SPNS3: variants seen among roughly 807,000 people sequenced by gnomAD.
The protein encoded by SPNS3 is protein spinster homolog 3.
In SPNS3, 51 loss-of-function variants were observed where a neutral mutation model predicts 54.4. The ratio of observed to expected loss-of-function variants is 0.94; its 90% CI spans 0.75 to 1.18. The LOEUF is 1.18. Ranked by LOEUF, SPNS3 falls within the 50% of genes most tolerant of loss-of-function variation. The pLI, the probability that SPNS3 is intolerant of heterozygous loss-of-function variation, is 0.00. For synonymous variants in SPNS3, 309 were observed against 294.7 expected (o/e 1.05, Z -0.50); for missense variants, 669 against 677.4 (o/e 0.99, Z 0.14).
Position 4,458,606 on chromosome 17 carries a change from T to TTTC in SPNS3, c.1113+5404_1113+5406dup, listed in dbSNP as rs879861155. Among the ~76,000 whole-genome samples the TTTC allele has an allele frequency of 8.0e-3, 866 of 108,274 alleles. 29 individuals carry two copies. The highest frequency in any genetic ancestry group is 0.03 in the Middle Eastern group (6 of 198). The allele number at this position is 108,274 out of a possible 152,430, so 71.0% of individuals were successfully genotyped here. ...CTTCCCTCCTTTCTTTCTTTCTTTC[T>TTTC]TTCTTTCTTTCTTTCTTTCTTTCTT... On this transcript the variant is annotated intron_variant, in intron 8 of 11. Transcript: ENST00000355530.
At chr17:4,439,474 G>A (rs551126519) in intron 1 of SPNS3, among the ~76,000 whole-genome samples, 184 bp from the exon 2 acceptor site, 1 of 152,300 alleles carries the variant, frequency 6.6e-6, no homozygotes, top group East Asian at 1.9e-4. Flanking sequence ...GTTTCTCTGT[G>A]TGCCTGCTCT....
intron 1 of SPNS3, among the ~76,000 whole-genome samples, chr17:4,435,802 C>G (rs62066152): frequency 0.79 from 119,244 of 151,358 alleles, 47,728 homozygotes; most frequent in Middle Eastern, 0.82. Context: ...CGTGGTGGCT[C>G]ACGCCTGTAA....
intron 8 of SPNS3, among the ~76,000 whole-genome samples, chr17:4,473,575 A>G (rs544874411): frequency 1.4e-4 from 21 of 151,864 alleles, no homozygotes; most frequent in South Asian, 1.0e-3. Context: ...TTTAGTAGAG[A>G]AGGGGTTTTA....
At chr17:4,487,046 C>A (rs1218130069) in intron 11 of SPNS3, among the ~76,000 whole-genome samples, 1 of 151,878 alleles carries the variant, frequency 6.6e-6, no homozygotes, top group African/African-American at 2.4e-5. Context: ...GTGGCACACA[C>A]CTGTAGTCCC....
intron 4 of SPNS3, chr17:4,446,575 C>A: frequency 1.9e-6 from 1 of 529,010 alleles, no homozygotes; most frequent in Non-Finnish European, 3.4e-6. Flanking sequence ...AATCAGGACC[C>A]TGGCCTCTGA....
At chr17:4,477,582 G>A (rs1972036867) in intron 8 of SPNS3, among the ~76,000 whole-genome samples, 2 of 152,240 alleles carry the variant, frequency 1.3e-5, no homozygotes, top group South Asian at 4.1e-4. Context: ...GGTGAAGGCA[G>A]GGGGCGTGTT....
intron 8 of SPNS3, 46 bp from the exon 9 acceptor site, chr17:4,478,526 T>C (rs375704285): frequency 5.7e-5 from 88 of 1,538,992 alleles, no homozygotes; most frequent in Non-Finnish European, 7.6e-5. Context: ...GTGGGGTTGG[T>C]GACTGGGATC....
At chr17:4,472,291 T>G (rs1348778060) in intron 8 of SPNS3, among the ~76,000 whole-genome samples, 1 of 152,120 alleles carries the variant, frequency 6.6e-6, no homozygotes, top group African/African-American at 2.4e-5. Context: ...AAACCGAATT[T>G]GCTTTGATGT....
intron 8 of SPNS3, among the ~76,000 whole-genome samples, chr17:4,476,365 C>T (rs544005227): frequency 6.6e-6 from 1 of 152,288 alleles, no homozygotes; most frequent in Admixed American, 6.5e-5. Flanking sequence ...CCGGGATCCA[C>T]CCTGTCCCAG....
At chr17:4,455,558 T>C (rs1971287700) in intron 8 of SPNS3, among the ~76,000 whole-genome samples, 2 of 152,192 alleles carry the variant, frequency 1.3e-5, no homozygotes, top group African/African-American at 4.8e-5. Context: ...AGCCAGGCTG[T>C]CTTGCCCCGG....
At chr17:4,447,011 G>C (rs1296979998) in intron 5 of SPNS3, 49 bp downstream of exon 5, 4 of 1,606,032 alleles carry the variant, frequency 2.5e-6, no homozygotes, top group Non-Finnish European at 2.6e-6. Flanking sequence ...TGGACCGGCA[G>C]GGACTTTCCA....
At chr17:4,458,667 T>C (rs1003278921) in intron 8 of SPNS3, among the ~76,000 whole-genome samples, 6 of 150,074 alleles carry the variant, frequency 4.0e-5, no homozygotes, top group Admixed American at 2.7e-4. Flanking sequence ...CTTTCTTTCT[T>C]TCTTTTCTTT....
intron 8 of SPNS3, among the ~76,000 whole-genome samples, chr17:4,472,540 C>T (rs1027970563): frequency 2.6e-5 from 4 of 152,278 alleles, no homozygotes; most frequent in African/African-American, 9.6e-5. Context: ...GATGCATTCC[C>T]TTCTGAGATG....
At chr17:4,438,491 G>A (rs917412041) in intron 1 of SPNS3, among the ~76,000 whole-genome samples, 50 of 152,192 alleles carry the variant, frequency 3.3e-4, no homozygotes, top group African/African-American at 1.2e-3. Flanking sequence ...ACGTGAGCAG[G>A]TGCTGCAGAC....
At chr17:4,442,857 C>G (rs1413630369) in intron 2 of SPNS3, among the ~76,000 whole-genome samples, 1 of 152,080 alleles carries the variant, frequency 6.6e-6, no homozygotes, top group African/African-American at 2.4e-5. Flanking sequence ...CAGAGTCTGT[C>G]TTTTAACTCT....
chr17:4,486,664 G>A lies in SPNS3; in HGVS notation c.1450+81G>A. ...GCACTGGCCACCCCCTGAATCCCTG[G>A]CCAGTTTGTTTGTTCATTCATCCAG... is the stretch of plus-strand genomic sequence containing the variant. On this transcript the variant is annotated intron_variant, in intron 11 of 11. Transcript: ENST00000355530. The surrounding 1 kb of genome is among the most constrained non-coding windows in gnomAD (Gnocchi z 5.5). 3 of 1,431,166 alleles carry A rather than the reference G, an allele frequency of 2.1e-6. No homozygotes were observed. In the East Asian group the frequency reaches 7.0e-5, roughly 33 times the overall value. The allele number at this position is 1,431,166 out of a possible 1,614,324, so 88.7% of individuals were successfully genotyped here.
In SPNS3 at chr17:4,486,804, G is replaced by A. The variant is rs989855032; in HGVS notation, c.1450+221G>A. ...ACTGACACTGTAGTTGGTGAAGACA[G>A]ACCAGAAACAGAAAAGGTTAAAGAT... is the stretch of plus-strand genomic sequence containing the variant. On this transcript the variant is annotated intron_variant, in intron 11 of 11. Coordinates refer to ENST00000355530, the MANE Select transcript of SPNS3 (RefSeq NM_182538.5). This position sits in a 1 kb window ranked among gnomAD's most constrained non-coding sequence, Gnocchi z 5.5. Among the ~76,000 whole-genome samples, 25 of 152,300 alleles carry A rather than the reference G, an allele frequency of 1.6e-4. No individual in the cohort carries two copies. Among genetic ancestry groups the A allele is most frequent in the African/African-American group, 6.0e-4 (25 of 41,548 alleles).
At chr17:4,466,023 T>C (rs1224987232) in intron 8 of SPNS3, among the ~76,000 whole-genome samples, 2 of 152,210 alleles carry the variant, frequency 1.3e-5, no homozygotes, top group East Asian at 1.9e-4. Context: ...CTGCTTGGCC[T>C]CATGGGCTGA....
intron 2 of SPNS3, 55 bp from the exon 3 acceptor site, chr17:4,444,977 T>A (rs1042025141): frequency 9.6e-6 from 15 of 1,562,814 alleles, no homozygotes; most frequent in Non-Finnish European, 1.3e-5. Flanking sequence ...TGCTGGGCCA[T>A]CTGCCCTGCC....
Sources: gnomAD v4.1 joint callset for allele counts (sites outside exome capture counted in the v4.1 genomes callset) on GRCh38, gnomAD v4.1.1 for gene constraint, Gnocchi (gnomAD v3.1) non-coding constraint, MANE v1.5 for transcripts, NCBI Gene and HGNC (gene_info 2026-07-23, HGNC 2026-07-21) for gene names.